The following ST3GAL1 variants were observed in gnomAD, a reference collection of about 807,000 sequenced individuals.
ST3GAL1 encodes the protein CMP-N-acetylneuraminate-beta-galactosamide-alpha-2,3-sialyltransferase 1.
In ST3GAL1, 16 loss-of-function variants were observed where a neutral mutation model predicts 34.1. The observed-to-expected ratio is 0.47, with a 90% confidence interval of 0.32 to 0.71. The LOEUF (loss-of-function observed/expected upper bound fraction) is 0.71. Ranked by LOEUF, ST3GAL1 falls within the 30% of genes least tolerant of loss-of-function variation. The pLI is 0.04. For missense variants in ST3GAL1, 353 were observed against 447.4 expected (o/e 0.79, Z 1.90); for synonymous variants, 191 against 184.7 (o/e 1.03, Z -0.28).
At chr8:133,534,580 T>A (rs186228447) in intron 2 of ST3GAL1, among the ~76,000 whole-genome samples, 7 of 152,266 alleles carry the variant, frequency 4.6e-5, no homozygotes, top group Admixed American at 2.0e-4. Flanking sequence ...CTGGCCTGCA[T>A]GGAACGCAGA....
chr8:133,486,471 C>CTG (rs781090663), intron 3 of ST3GAL1, among the ~76,000 whole-genome samples: 12 of 152,240 alleles, frequency 7.9e-5, no homozygotes, highest in Non-Finnish European at 1.3e-4. Flanking sequence ...GGCCTGGACC[C>CTG]ACTCAACGCC....
intron 2 of ST3GAL1, among the ~76,000 whole-genome samples, chr8:133,525,668 C>T (rs1427108500): frequency 6.6e-6 from 1 of 152,196 alleles, no homozygotes; most frequent in Non-Finnish European, 1.5e-5. Flanking sequence ...TCTTGGCTTC[C>T]CTCCTGTGCC....
At position 133,562,846 on chromosome 8, in the gene ST3GAL1, CTTTCT is replaced by C. The variant is rs1256298445; in HGVS notation, c.-582+8842_-582+8846del. 3.4e-4 allele frequency among the ~76,000 whole-genome samples: 19 copies of C among 56,364 alleles called. No individual in the cohort carries two copies. In the South Asian group the frequency reaches 4.9e-3, roughly 15 times the overall value. The allele number at this position is 56,364 out of a possible 152,430, so 37.0% of individuals were successfully genotyped here. On this transcript the variant is annotated intron_variant, in intron 1 of 9. Coordinates refer to ENST00000522652, the MANE Select transcript of ST3GAL1 (RefSeq NM_173344.3). The stretch of plus-strand genomic sequence containing the variant: ...CCTTCCTTCCTTCCTTCCTTCCTTT[CTTTCT>C]TTTTTTTTTTTTTTTTCCCACTGGG...
intron 1 of ST3GAL1, among the ~76,000 whole-genome samples, chr8:133,554,521 G>A (rs1021364640): frequency 2.0e-5 from 3 of 152,124 alleles, no homozygotes; most frequent in Non-Finnish European, 4.4e-5. Context: ...GACTAAGGAT[G>A]TCAAGAAGGC....
In ST3GAL1 at chr8:133,527,364, G is replaced by T. The variant is rs934003306; in HGVS notation, c.-429+18410C>A. Among the ~76,000 whole-genome samples the T allele has an allele frequency of 1.3e-4, 20 of 152,224 alleles. No homozygotes were observed. In the South Asian group the frequency reaches 2.9e-3, roughly 22 times the overall value. Reference sequence around the variant, plus strand: ...TCTCTGTGCAACAGTGTCGGCATCGGGAGTAAAGGGGTTGAGGTGGTGGGG... The same window carrying T: ...TCTCTGTGCAACAGTGTCGGCATCGTGAGTAAAGGGGTTGAGGTGGTGGGG... On this transcript the variant is annotated intron_variant, in intron 2 of 9. Transcript: ENST00000522652.
intron 3 of ST3GAL1, among the ~76,000 whole-genome samples, chr8:133,489,155 C>T (rs1307934639): frequency 1.3e-5 from 2 of 152,170 alleles, no homozygotes; most frequent in African/African-American, 4.8e-5. Context: ...CCAGGGACTG[C>T]ACCACACTTG....
intron 3 of ST3GAL1, among the ~76,000 whole-genome samples, chr8:133,496,187 A>G (rs1261517653): frequency 6.6e-6 from 1 of 152,218 alleles, no homozygotes; most frequent in Non-Finnish European, 1.5e-5. Flanking sequence ...GAAATCAGAT[A>G]AAATTGCATC....
intron 3 of ST3GAL1, among the ~76,000 whole-genome samples, chr8:133,494,896 T>A (rs970455337): frequency 4.0e-5 from 6 of 150,884 alleles, no homozygotes; most frequent in Non-Finnish European, 7.4e-5. Context: ...TATCGGCCTC[T>A]GCGTTTTTCC....
chr8:133,546,514 C>T (rs1003303801), intron 1 of ST3GAL1, among the ~76,000 whole-genome samples: 1 of 149,754 alleles, frequency 6.7e-6, no homozygotes, highest in African/African-American at 2.4e-5. Context: ...ATGACCAACT[C>T]CATCTAGAAG....
intron 6 of ST3GAL1, 84 bp from the exon 7 acceptor site, chr8:133,465,041 C>T: frequency 1.4e-6 from 2 of 1,427,702 alleles, no homozygotes; most frequent in South Asian, 2.7e-5. Context: ...GAGTGAGCCT[C>T]CAGTGTGACT....
chr8:133,525,601 C>G lies in ST3GAL1; in HGVS notation c.-429+20173G>C, dbSNP rs144918416. On this transcript the variant is annotated intron_variant, in intron 2 of 9. Transcript: ENST00000522652. ...CCATCAACATGGCATCCACAGCACC[C>G]AGGCTGTGCATGCTGAGGGACGCCT... Among the ~76,000 whole-genome samples the G allele has an allele frequency of 7.8e-3, 1,185 of 152,290 alleles. 18 individuals carry two copies. Among genetic ancestry groups the G allele is most frequent in the Middle Eastern group, 0.034 (10 of 294 alleles).
In ST3GAL1 at chr8:133,457,902, C is replaced by T. The variant is rs1273987701; in HGVS notation, c.*1862G>A. ...CCACCAGGAAAAAGTCACGCCTCCT[C>T]AAAGCAGCAGCGACCTTTTCAGGGA... is the stretch of plus-strand genomic sequence containing the variant. On this transcript the variant is annotated 3_prime_UTR_variant, in exon 10 of 10. Coordinates refer to ENST00000522652, the MANE Select transcript of ST3GAL1 (RefSeq NM_173344.3). The T allele has an allele frequency of 1.3e-5, 2 of 152,236 alleles. No individual in the cohort carries two copies. The highest frequency in any genetic ancestry group is 4.8e-5 in the African/African-American group (2 of 41,448). 9.4% of individuals were successfully genotyped at this position (152,236 alleles called of 1,614,324 possible). A position where few individuals can be genotyped will look rare whatever the true frequency, so the allele number is the denominator to read the frequency against.
intron 3 of ST3GAL1, among the ~76,000 whole-genome samples, chr8:133,485,454 C>A (rs1816547654): frequency 6.6e-6 from 1 of 152,220 alleles, no homozygotes. Context: ...CAGCCCAAAC[C>A]CTGGAGGTCC....
intron 3 of ST3GAL1, among the ~76,000 whole-genome samples, chr8:133,479,966 TG>T (rs1226227369): frequency 6.6e-6 from 1 of 152,178 alleles, no homozygotes; most frequent in East Asian, 1.9e-4. Flanking sequence ...CCTGCAGGCA[TG>T]GGGGAATGCC....
chr8:133,482,373 G>A (rs1331757456), intron 3 of ST3GAL1, among the ~76,000 whole-genome samples: 2 of 152,110 alleles, frequency 1.3e-5, no homozygotes, highest in Admixed American at 6.5e-5. Flanking sequence ...TATGTGTCAC[G>A]GGCGTGGCAA....
At chr8:133,515,804 C>T (rs1191824239) in intron 2 of ST3GAL1, 1 of 152,124 alleles carries the variant, frequency 6.6e-6, no homozygotes, top group African/African-American at 2.4e-5. Context: ...ATCATAATTA[C>T]CAAATGCCCT....
At chr8:133,548,977 A>G (rs2131080521) in intron 1 of ST3GAL1, among the ~76,000 whole-genome samples, 1 of 152,366 alleles carries the variant, frequency 6.6e-6, no homozygotes, top group East Asian at 1.9e-4. Flanking sequence ...ACTCCGCAGA[A>G]GCTCATTACT....
intron 2 of ST3GAL1, among the ~76,000 whole-genome samples, chr8:133,504,150 C>G (rs571806148): frequency 1.9e-4 from 29 of 152,316 alleles, no homozygotes; most frequent in Admixed American, 5.2e-4. Flanking sequence ...TCCTCTCCCC[C>G]TCCTCCAGTC....
rs576743870 is a variant in ST3GAL1, at chr8:133,461,379, A to G, written c.849+496T>C. 6.6e-6 allele frequency among the ~76,000 whole-genome samples: 1 copy of G among 152,308 alleles called. No individual in the cohort carries two copies. Among genetic ancestry groups the G allele is most frequent in the East Asian group, 1.9e-4 (1 of 5,176 alleles). On this transcript the variant is annotated intron_variant, in intron 9 of 9. Transcript: ENST00000522652. This position sits in a 1 kb window ranked among gnomAD's most constrained non-coding sequence, Gnocchi z 4.7. ...AACACAGCCTAGCGGACAGCGAAGG[A>G]CATGGGAAGGCAAATGCATGCTTCT...
Sources: gnomAD v4.1 joint callset for allele counts (sites outside exome capture counted in the v4.1 genomes callset) on GRCh38, gnomAD v4.1.1 for gene constraint, Gnocchi (gnomAD v3.1) non-coding constraint, MANE v1.5 for transcripts, NCBI Gene and HGNC (gene_info 2026-07-23, HGNC 2026-07-21) for gene names.